UNC79: variants seen among roughly 807,000 people sequenced by gnomAD.
UNC79 encodes the protein unc-79 subunit of NALCN channel complex.
UNC79 carries 37 observed loss-of-function variants against 283.1 expected under a neutral mutation model. The observed-to-expected ratio is 0.13, with a 90% CI of 0.10 to 0.17. The LOEUF is 0.17. Ranked by LOEUF, UNC79 falls within the 10% of genes least tolerant of loss-of-function variation. The probability of loss-of-function intolerance (pLI) is 1.00; values close to 1 mark genes in which losing one functional copy is unlikely to be tolerated. For missense variants in UNC79, 2,272 were observed against 3,211.1 expected (o/e 0.71, Z 7.07); for synonymous variants, 1,107 against 1,200.2 (o/e 0.92, Z 1.61).
exon 12 of UNC79, chr14:93,538,156 G>A (rs771758901): frequency 7.4e-6 from 12 of 1,613,660 alleles, no homozygotes; most frequent in Non-Finnish European, 1.0e-5. Context: ...CCTCTCCTCC[G>A]CCCATCAACA....
At chr14:93,364,618 A>C (rs1167832696) in intron 1 of UNC79, among the ~76,000 whole-genome samples, 1 of 59,354 alleles carries the variant, frequency 1.7e-5, no homozygotes, top group Non-Finnish European at 4.2e-5. Context: ...GGGATTGTTA[A>C]GGGAACTATA....
chr14:93,662,760 C>A (rs376174715), intron 40 of UNC79, 46 bp downstream of exon 43: 3 of 1,432,392 alleles, frequency 2.1e-6, no homozygotes, highest in Non-Finnish European at 2.9e-6. Flanking sequence ...TGAAAACTGG[C>A]AGAAATATAT....
At chr14:93,433,036 G>A (rs2055938629) in intron 1 of UNC79, among the ~76,000 whole-genome samples, 1 of 152,178 alleles carries the variant, frequency 6.6e-6, no homozygotes, top group Non-Finnish European at 1.5e-5. Context: ...TAGTGAAACA[G>A]ATTTTTTTCA....
intron 1 of UNC79, among the ~76,000 whole-genome samples, chr14:93,432,874 A>T (rs1251534535): frequency 6.6e-6 from 1 of 152,226 alleles, no homozygotes; most frequent in Non-Finnish European, 1.5e-5. Flanking sequence ...AGTGAGTATT[A>T]CTGTCCTCTT....
At chr14:93,558,570 T>A (rs1383476057) in intron 14 of UNC79, among the ~76,000 whole-genome samples, 1 of 114,882 alleles carries the variant, frequency 8.7e-6, no homozygotes, top group African/African-American at 3.4e-5. Context: ...AAAAAAAAAA[T>A]CTTGTAGAGG....
chr14:93,528,633 G>A (rs1157725189), exon 9 of UNC79: 4 of 1,613,856 alleles, frequency 2.5e-6, no homozygotes, highest in East Asian at 2.2e-5. Context: ...AGAATGCAGC[G>A]AGAGGATTGC....
chr14:93,662,551 T>C, intron 39 of UNC79, 53 bp from the exon 43 acceptor site: 1 of 1,233,968 alleles, frequency 8.1e-7, no homozygotes, highest in South Asian at 1.5e-5. Context: ...TAATACTTTT[T>C]TTGAAATGAA....
chr14:93,699,606 T>C (rs928503017), intron 47 of UNC79, among the ~76,000 whole-genome samples: 1 of 152,210 alleles, frequency 6.6e-6, no homozygotes, highest in Non-Finnish European at 1.5e-5. Flanking sequence ...ATTCAGAGTT[T>C]ATAGTATATA....
chr14:93,588,869 G>C (rs984405420), intron 22 of UNC79, among the ~76,000 whole-genome samples: 1 of 151,540 alleles, frequency 6.6e-6, no homozygotes, highest in East Asian at 1.9e-4. Context: ...GTGCGATCAA[G>C]AACAAAAGGT....
intron 1 of UNC79, among the ~76,000 whole-genome samples, chr14:93,391,903 T>C (rs1260864936): frequency 1.3e-5 from 2 of 152,186 alleles, no homozygotes; most frequent in Non-Finnish European, 2.9e-5. Flanking sequence ...TAAAAGAAGC[T>C]GCTACACAAT....
At chr14:93,594,156 T>A (rs2064887563) in intron 23 of UNC79, among the ~76,000 whole-genome samples, 1 of 152,126 alleles carries the variant, frequency 6.6e-6, no homozygotes, top group Non-Finnish European at 1.5e-5. Context: ...AACCTATGAG[T>A]TTACTTGCAT....
At chr14:93,581,076 C>T (rs897539078) in intron 19 of UNC79, among the ~76,000 whole-genome samples, 1 of 152,164 alleles carries the variant, frequency 6.6e-6, no homozygotes, top group African/African-American at 2.4e-5. Flanking sequence ...CCATACCTTG[C>T]TGTCTGTAAC....
At chr14:93,487,396 T>G (rs566462913) in intron 4 of UNC79, among the ~76,000 whole-genome samples, 1 of 152,202 alleles carries the variant, frequency 6.6e-6, no homozygotes, top group Non-Finnish European at 1.5e-5. Flanking sequence ...AGATCCCATC[T>G]AAGTACAACT....
intron 7 of UNC79, among the ~76,000 whole-genome samples, chr14:93,500,116 T>C (rs2059209881): frequency 6.6e-6 from 1 of 152,122 alleles, no homozygotes; most frequent in Non-Finnish European, 1.5e-5. Context: ...GAGATTTGCC[T>C]GTTCAGAGCA....
intron 7 of UNC79, among the ~76,000 whole-genome samples, chr14:93,507,179 GC>G (rs367665232): frequency 2.5e-4 from 38 of 152,156 alleles, no homozygotes; most frequent in African/African-American, 8.7e-4. Context: ...TCAGTTTTTA[GC>G]CAATATACAT....
intron 14 of UNC79, among the ~76,000 whole-genome samples, chr14:93,548,377 G>T (rs1389929862): frequency 6.6e-6 from 1 of 152,180 alleles, no homozygotes; most frequent in Non-Finnish European, 1.5e-5. Flanking sequence ...TCACATTGGT[G>T]ATTAGGTTTC....
intron 41 of UNC79, among the ~76,000 whole-genome samples, chr14:93,675,673 A>G (rs966203273): frequency 2.2e-4 from 34 of 152,184 alleles, no homozygotes; most frequent in African/African-American, 8.2e-4. Context: ...ACTACAAATC[A>G]TTAGGATCAG....
intron 41 of UNC79, among the ~76,000 whole-genome samples, chr14:93,676,006 C>G (rs1009581736): frequency 1.3e-5 from 2 of 152,184 alleles, no homozygotes; most frequent in Non-Finnish European, 2.9e-5. Flanking sequence ...ATAGCAGCAG[C>G]AACACTGCCT....
chr14:93,583,704 A>G (rs1383964302), intron 20 of UNC79, among the ~76,000 whole-genome samples: 5 of 151,884 alleles, frequency 3.3e-5, no homozygotes, highest in African/African-American at 1.2e-4. Flanking sequence ...AATTGGGGCA[A>G]CCCCTGGGGG....
Sources: allele counts gnomAD v4.1 joint callset (sites outside exome capture counted in the v4.1 genomes callset), GRCh38; gene constraint gnomAD v4.1.1; transcripts MANE v1.5; gene names NCBI Gene and HGNC (gene_info 2026-07-23, HGNC 2026-07-21).